Variants in STK38L observed in about 807,000 individuals in gnomAD.
The protein encoded by STK38L is serine/threonine kinase 38 like.
Under a neutral mutation model 59.7 loss-of-function variants are expected in STK38L, and 28 were observed. That is an observed-to-expected ratio of 0.47 (90% CI 0.35 to 0.64). The LOEUF is 0.64. STK38L is among the 30% of genes least tolerant of loss of function. STK38L has a pLI of 0.01. For missense variants in STK38L, 314 were observed against 555.8 expected (o/e 0.56, Z 4.37); for synonymous variants, 162 against 176.8 (o/e 0.92, Z 0.66).
chr12:27,279,864 T>A (rs985400106), intron 1 of STK38L, among the ~76,000 whole-genome samples: 4 of 151,922 alleles, frequency 2.6e-5, no homozygotes, highest in African/African-American at 7.3e-5. Flanking sequence ...GCTTACACAT[T>A]TAAAAAATAA....
At chr12:27,315,517 G>A (rs1211733596) in intron 9 of STK38L, among the ~76,000 whole-genome samples, 167 bp downstream of exon 9, 2 of 152,126 alleles carry the variant, frequency 1.3e-5, no homozygotes, top group Non-Finnish European at 2.9e-5. Context: ...AAGTTTCCTT[G>A]CCTGTAAAGC....
intron 1 of STK38L, among the ~76,000 whole-genome samples, chr12:27,294,194 T>C (rs981069474): frequency 2.6e-5 from 4 of 152,162 alleles, no homozygotes; most frequent in Admixed American, 6.5e-5. Flanking sequence ...TGTCCTCCTT[T>C]TGAGGATTCA....
chr12:27,273,558 A>G (rs1186979851), intron 1 of STK38L, among the ~76,000 whole-genome samples: 1 of 152,236 alleles, frequency 6.6e-6, no homozygotes, highest in East Asian at 1.9e-4. Context: ...ATTACCTACC[A>G]CATAATTAAT....
intron 1 of STK38L, among the ~76,000 whole-genome samples, chr12:27,261,209 G>A (rs1490659036): frequency 6.6e-6 from 1 of 152,148 alleles, no homozygotes; most frequent in East Asian, 1.9e-4. Context: ...CAGAGACATT[G>A]ATTTTATCTG....
chr12:27,302,615 G>A (rs143424907), intron 3 of STK38L: 2,325 of 153,122 alleles, frequency 0.015, 49 homozygotes, highest in African/African-American at 0.053. Flanking sequence ...CAGTTTTTCT[G>A]CATACTGCAG....
chr12:27,266,722 C>G (rs1264375365), intron 1 of STK38L, among the ~76,000 whole-genome samples: 1 of 152,122 alleles, frequency 6.6e-6, no homozygotes, highest in Non-Finnish European at 1.5e-5. Context: ...TCATTTCATT[C>G]CTGGGGGCAA....
chr12:27,301,599 A>T (rs888958291), intron 2 of STK38L, among the ~76,000 whole-genome samples: 4 of 152,124 alleles, frequency 2.6e-5, no homozygotes, highest in African/African-American at 9.7e-5. Context: ...TGACTTTCCA[A>T]TTTTCAAATA....
intron 1 of STK38L, among the ~76,000 whole-genome samples, chr12:27,277,405 C>T (rs1943560888): frequency 6.6e-6 from 1 of 151,254 alleles, no homozygotes; most frequent in African/African-American, 2.4e-5. Context: ...CACACACACA[C>T]ACACACACAC....
chr12:27,249,993 A>T (rs1942938111), intron 1 of STK38L, among the ~76,000 whole-genome samples: 2 of 152,210 alleles, frequency 1.3e-5, no homozygotes. Context: ...TTAACACCTC[A>T]AATCAGCTAC....
At chr12:27,266,910 C>T (rs1377060170) in intron 1 of STK38L, among the ~76,000 whole-genome samples, 1 of 152,172 alleles carries the variant, frequency 6.6e-6, no homozygotes, top group Non-Finnish European at 1.5e-5. Flanking sequence ...CAGCATTTTT[C>T]AAACGTATTT....
chr12:27,267,877 C>T (rs1943332190), intron 1 of STK38L, among the ~76,000 whole-genome samples: 1 of 152,002 alleles, frequency 6.6e-6, no homozygotes, highest in African/African-American at 2.4e-5. Flanking sequence ...TATGTTTTCT[C>T]TTCTGTGAAA....
chr12:27,266,627 T>A (rs1463030397), intron 1 of STK38L, among the ~76,000 whole-genome samples: 2 of 152,180 alleles, frequency 1.3e-5, no homozygotes, highest in Non-Finnish European at 2.9e-5. Flanking sequence ...AGTTATGGGG[T>A]TTGATCCCAC....
intron 1 of STK38L, among the ~76,000 whole-genome samples, chr12:27,282,984 G>T (rs545543365): frequency 6.6e-6 from 1 of 152,320 alleles, no homozygotes; most frequent in East Asian, 1.9e-4. Context: ...CTATAAATCA[G>T]AAGAGTGACA....
chr12:27,258,909 T>TG (rs758386717), intron 1 of STK38L, among the ~76,000 whole-genome samples: 2 of 152,230 alleles, frequency 1.3e-5, no homozygotes, highest in South Asian at 4.1e-4. Flanking sequence ...AACTTATTTA[T>TG]GAGCATTCTG....
chr12:27,272,992 T>A (rs977188579), intron 1 of STK38L, among the ~76,000 whole-genome samples: 10 of 151,798 alleles, frequency 6.6e-5, no homozygotes, highest in Non-Finnish European at 1.5e-4. Context: ...CTGAAATGCA[T>A]TATTTTCTAA....
chr12:27,248,635 T>C (rs1942907814), intron 1 of STK38L, among the ~76,000 whole-genome samples: 2 of 150,316 alleles, frequency 1.3e-5, no homozygotes, highest in South Asian at 4.2e-4. Context: ...ACCGTACTCA[T>C]AGTTTAAGTA....
At chr12:27,255,887 A>G (rs551005069) in intron 1 of STK38L, among the ~76,000 whole-genome samples, 1 of 152,132 alleles carries the variant, frequency 6.6e-6, no homozygotes, top group Non-Finnish European at 1.5e-5. Context: ...GGTGTGTTCC[A>G]TGGATAACTT....
chr12:27,284,765 T>C (rs1316136350), intron 1 of STK38L, among the ~76,000 whole-genome samples: 1 of 152,244 alleles, frequency 6.6e-6, no homozygotes, highest in Non-Finnish European at 1.5e-5. Context: ...GGTGTGGTCC[T>C]GTTCATTGCT....
chr12:27,312,145 C>T (rs889700770), intron 5 of STK38L, among the ~76,000 whole-genome samples: 1 of 152,218 alleles, frequency 6.6e-6, no homozygotes, highest in Non-Finnish European at 1.5e-5. Flanking sequence ...TCCCAAAGTG[C>T]TGGGATTACA....
Sources: allele counts gnomAD v4.1 joint callset (sites outside exome capture counted in the v4.1 genomes callset), GRCh38; gene constraint gnomAD v4.1.1; transcripts MANE v1.5; gene names NCBI Gene and HGNC (gene_info 2026-07-23, HGNC 2026-07-21).